EIF2B3: variants seen among roughly 807,000 people sequenced by gnomAD.
EIF2B3 encodes the protein translation initiation factor eIF2B subunit gamma.
A neutral mutation model predicts 54.1 loss-of-function variants in EIF2B3; 20 were observed. That is an observed-to-expected ratio of 0.37 (90% CI 0.26 to 0.54). EIF2B3 has a LOEUF of 0.54. EIF2B3 is among the 20% of genes least tolerant of loss of function. EIF2B3 has a pLI of 0.86. For synonymous variants in EIF2B3, 153 were observed against 188.1 expected, an observed-to-expected ratio of 0.81 and a Z score of 1.52; for missense variants, 448 against 547.8, an observed-to-expected ratio of 0.82 and a Z score of 1.82.
intron 5 of EIF2B3, among the ~76,000 whole-genome samples, chr1:44,905,334 A>C (rs1010833125): frequency 3.3e-5 from 5 of 152,222 alleles, no homozygotes; most frequent in African/African-American, 1.2e-4. Context: ...GTTCTGCTCC[A>C]GGTCCAGTTT....
intron 7 of EIF2B3, among the ~76,000 whole-genome samples, chr1:44,880,968 T>TA (rs879853796): frequency 7.5e-4 from 93 of 123,630 alleles, no homozygotes; most frequent in African/African-American, 1.5e-3. Context: ...CTCAAAAAAA[T>TA]AAAAAAAAAA....
chr1:44,940,940 G>T (rs1053186475), intron 4 of EIF2B3, among the ~76,000 whole-genome samples: 1 of 151,060 alleles, frequency 6.6e-6, no homozygotes, highest in Non-Finnish European at 1.5e-5. Context: ...AGGCTGGAGT[G>T]CAGTGGCGTG....
intron 3 of EIF2B3, among the ~76,000 whole-genome samples, chr1:44,950,980 C>A (rs897494866): frequency 3.3e-5 from 5 of 152,224 alleles, no homozygotes; most frequent in African/African-American, 4.8e-5. Context: ...TAAGCCACTG[C>A]ACCTGACCAG....
At chr1:44,958,491 G>C in intron 3 of EIF2B3, 1 of 871,068 alleles carries the variant, frequency 1.1e-6, no homozygotes, top group Non-Finnish European at 1.8e-6. Context: ...TGGATATACA[G>C]TAGATGATTA....
At chr1:44,874,874 GCAAA>G (rs1224631212) in intron 9 of EIF2B3, 48 bp from the exon 10 acceptor site, 1 of 1,611,860 alleles carries the variant, frequency 6.2e-7, no homozygotes, top group East Asian at 2.2e-5. Context: ...TCAACCAACT[GCAAA>G]CCACCCTCCA....
intron 5 of EIF2B3, among the ~76,000 whole-genome samples, chr1:44,904,869 G>C (rs1450536479): frequency 6.6e-6 from 1 of 152,150 alleles, no homozygotes; most frequent in Non-Finnish European, 1.5e-5. Context: ...CCCGCTAAAA[G>C]AATCAGAGCT....
In EIF2B3 at chr1:44,875,983, G is replaced by A. The variant is rs113679082; in HGVS notation, c.976-288C>T. On this transcript the variant is annotated intron_variant, in intron 8 of 11. Coordinates refer to ENST00000360403, the MANE Select transcript of EIF2B3 (RefSeq NM_020365.5). ...TATTTTTTTGGTGGAGACGGGTTTC[G>A]CTGTGTTGGCCGGGCTGGTCTCCAG... Among the ~76,000 whole-genome samples the A allele has an allele frequency of 5.3e-4, 80 of 152,314 alleles. 1 individual carries two copies. The highest frequency in any genetic ancestry group is 1.8e-3 in the Admixed American group (27 of 15,304).
chr1:44,955,444 G>C (rs529274867), intron 3 of EIF2B3, among the ~76,000 whole-genome samples: 8 of 152,090 alleles, frequency 5.3e-5, no homozygotes, highest in Admixed American at 2.0e-4. Flanking sequence ...CCATTCAGGA[G>C]ATAGGCATGG....
intron 10 of EIF2B3, among the ~76,000 whole-genome samples, chr1:44,862,032 G>C (rs1654623039): frequency 6.6e-6 from 1 of 152,166 alleles, no homozygotes; most frequent in Admixed American, 6.5e-5. Context: ...ACAGGGAATG[G>C]AAAGATAGGA....
At chr1:44,867,362 G>GA (rs1427383676) in intron 10 of EIF2B3, among the ~76,000 whole-genome samples, 1 of 152,128 alleles carries the variant, frequency 6.6e-6, no homozygotes, top group Non-Finnish European at 1.5e-5. Flanking sequence ...ACATGAGAAA[G>GA]ATGGGCAGGA....
intron 5 of EIF2B3, among the ~76,000 whole-genome samples, chr1:44,905,025 T>C (rs1157465631): frequency 6.6e-6 from 1 of 152,186 alleles, no homozygotes; most frequent in Non-Finnish European, 1.5e-5. Context: ...CAAGAGGTGC[T>C]GGGGCAAGCA....
chr1:44,869,593 C>CT (rs60006087), intron 10 of EIF2B3, among the ~76,000 whole-genome samples: 3,231 of 71,322 alleles, frequency 0.045, 93 homozygotes, highest in Non-Finnish European at 0.057. Context: ...GAGGTAAGGC[C>CT]TTTTTTTTTT....
chr1:44,972,588 G>C (rs1644412414), intron 3 of EIF2B3: 1 of 145,834 alleles, frequency 6.9e-6, no homozygotes, highest in African/African-American at 2.6e-5. Flanking sequence ...GGCAACAAGA[G>C]CAAAACTCCG....
At position 44,978,621 on chromosome 1, in the gene EIF2B3, C is replaced by CTTTT. The variant is rs57964686; in HGVS notation, c.149-165_149-162dup. ...TTTACCTGCATTCCCCCAATAAATT[C>CTTTT]TTTTTTTTTTTTTTTTTTTTTTTTT... On this transcript the variant is annotated intron_variant, in intron 2 of 11. Coordinates refer to ENST00000360403, the MANE Select transcript of EIF2B3 (RefSeq NM_020365.5). Among the ~76,000 whole-genome samples, 231 of 76,614 alleles carry CTTTT rather than the reference C, an allele frequency of 3.0e-3. 37 individuals carry two copies. Among genetic ancestry groups the CTTTT allele is most frequent in the African/African-American group, 5.7e-3 (87 of 15,312 alleles). 50.3% of individuals were successfully genotyped at this position (76,614 alleles called of 152,430 possible). A position where few individuals can be genotyped will look rare whatever the true frequency, so the allele number is the denominator to read the frequency against.
rs57964686 is a variant in EIF2B3, at chr1:44,978,621, CTTTTTTTT to C, written c.149-169_149-162del. 7.2e-3 allele frequency among the ~76,000 whole-genome samples: 550 copies of C among 76,556 alleles called. 4 individuals carry two copies. Among genetic ancestry groups the C allele is most frequent in the Non-Finnish European group, 9.6e-3 (419 of 43,708 alleles). The allele number at this position is 76,556 out of a possible 152,430, so 50.2% of individuals were successfully genotyped here. On this transcript the variant is annotated intron_variant, in intron 2 of 11. Transcript: ENST00000360403. ...TTTACCTGCATTCCCCCAATAAATT[CTTTTTTTT>C]TTTTTTTTTTTTTTTTTTTTTTTTA...
intron 11 of EIF2B3, among the ~76,000 whole-genome samples, chr1:44,852,482 A>G (rs541627381): frequency 5.0e-4 from 76 of 152,184 alleles, no homozygotes; most frequent in Non-Finnish European, 8.5e-4. Context: ...CTACTTCACT[A>G]TAAGAACATT....
At chr1:44,942,377 TTATATATA>T (rs1170326455) in intron 3 of EIF2B3, among the ~76,000 whole-genome samples, 391 of 21,576 alleles carry the variant, frequency 0.018, 16 homozygotes, top group Middle Eastern at 0.059. Flanking sequence ...CTTTCTGATT[TTATATATA>T]TATATATATA....
intron 6 of EIF2B3, among the ~76,000 whole-genome samples, chr1:44,885,721 T>C (rs1302025391): frequency 6.6e-6 from 1 of 151,896 alleles, no homozygotes; most frequent in East Asian, 1.9e-4. Flanking sequence ...TATAACAGAA[T>C]GTCATATAGG....
intron 1 of EIF2B3, among the ~76,000 whole-genome samples, chr1:44,983,080 T>C (rs1171342664): frequency 2.0e-5 from 3 of 151,694 alleles, no homozygotes; most frequent in Non-Finnish European, 4.4e-5. Flanking sequence ...GCCTGGCTAA[T>C]TCTTTTAATT....
Sources: allele counts gnomAD v4.1 joint callset (sites outside exome capture counted in the v4.1 genomes callset), GRCh38; gene constraint gnomAD v4.1.1; transcripts MANE v1.5; gene names NCBI Gene and HGNC (gene_info 2026-07-23, HGNC 2026-07-21).